Variants in MAN1C1 observed in about 807,000 individuals in gnomAD.
MAN1C1 encodes the protein mannosyl-oligosaccharide 1,2-alpha-mannosidase IC.
A neutral mutation model predicts 71.5 loss-of-function variants in MAN1C1; 49 were observed. The ratio of observed to expected loss-of-function variants is 0.69; its 90% CI spans 0.54 to 0.87. The LOEUF (loss-of-function observed/expected upper bound fraction) is 0.87, where lower values mean the gene tolerates loss of function less well. MAN1C1 is among the 40% of genes least tolerant of loss of function. MAN1C1 has a pLI of 0.00. For synonymous variants in MAN1C1, 352 were observed against 343.7 expected (o/e 1.02, Z -0.27); for missense variants, 743 against 835.0 (o/e 0.89, Z 1.36).
intron 2 of MAN1C1, among the ~76,000 whole-genome samples, chr1:25,687,977 C>A (rs967961279): frequency 6.6e-6 from 1 of 151,730 alleles, no homozygotes; most frequent in Non-Finnish European, 1.5e-5. Flanking sequence ...CATGTTATAT[C>A]GTGTTTCCCG....
chr1:25,757,504 G>A (rs865794950), intron 5 of MAN1C1, among the ~76,000 whole-genome samples: 2 of 6,350 alleles, frequency 3.1e-4, no homozygotes, highest in Admixed American at 2.2e-3. Flanking sequence ...GAGGCACGGG[G>A]GGGGGGGGCA....
At chr1:25,692,180 A>C (rs1407177169) in intron 2 of MAN1C1, among the ~76,000 whole-genome samples, 1 of 152,130 alleles carries the variant, frequency 6.6e-6, no homozygotes, top group Non-Finnish European at 1.5e-5. Context: ...TGCGCCGCAC[A>C]CTCTGAGATC....
rs1041484395 is a variant in MAN1C1 at position 25,769,154 on chromosome 1, C to T, written c.1142-2503C>T. 6.6e-6 allele frequency among the ~76,000 whole-genome samples: 1 copy of T among 150,414 alleles called. No individual in the cohort carries two copies. The highest frequency in any genetic ancestry group is 1.5e-5 in the Non-Finnish European group (1 of 67,444). ...TCACACACTACACACTCCCCTCACA[C>T]ATTCCACACACACACCCCACACATT... is the stretch of plus-strand genomic sequence containing the variant. On this transcript the variant is annotated intron_variant, in intron 7 of 11. Coordinates refer to ENST00000374332, the MANE Select transcript of MAN1C1 (RefSeq NM_020379.4). The surrounding 1 kb of genome is among the most constrained non-coding windows in gnomAD (Gnocchi z 4.8).
chr1:25,678,546 G>A (rs141333555), intron 1 of MAN1C1, among the ~76,000 whole-genome samples: 2,194 of 152,254 alleles, frequency 0.014, 25 homozygotes, highest in Non-Finnish European at 0.026. Flanking sequence ...TTAAAAGGGC[G>A]TTACATATTA....
intron 1 of MAN1C1, among the ~76,000 whole-genome samples, chr1:25,673,852 C>T (rs1012448236): frequency 6.6e-5 from 10 of 152,222 alleles, no homozygotes; most frequent in African/African-American, 2.2e-4. Flanking sequence ...GCCTAACTCA[C>T]AGGTGACGGT....
chr1:25,720,438 G>A (rs1262854226), intron 2 of MAN1C1, among the ~76,000 whole-genome samples: 2 of 151,790 alleles, frequency 1.3e-5, no homozygotes, highest in Non-Finnish European at 2.9e-5. Context: ...CTTGAACTTC[G>A]GACCTCTGGT....
rs529702424 is a variant in MAN1C1, at chr1:25,764,460, C to T, written c.1141+493C>T. Among the ~76,000 whole-genome samples, 21 of 151,998 alleles carry T rather than the reference C, an allele frequency of 1.4e-4. No homozygotes were observed. The highest frequency in any genetic ancestry group is 4.2e-4 in the South Asian group (2 of 4,818). On this transcript the variant is annotated intron_variant, in intron 7 of 11. Coordinates refer to ENST00000374332, the MANE Select transcript of MAN1C1 (RefSeq NM_020379.4). This position sits in a 1 kb window ranked among gnomAD's most constrained non-coding sequence, Gnocchi z 4.4. ...CAGAGTCTCACTCTGTCACCCAGGC[C>T]GGAGTGCAGTGGCACGATCTCGGCT...
rs76291035 is a variant in MAN1C1, at chr1:25,719,395, TTTTATTTATTTA to T, written c.638-27234_638-27223del. Among the ~76,000 whole-genome samples, 1,369 of 139,970 alleles carry T rather than the reference TTTTATTTATTTA, an allele frequency of 9.8e-3. 13 individuals are homozygous for T. Among genetic ancestry groups the T allele is most frequent in the East Asian group, 0.033 (155 of 4,746 alleles). 91.8% of individuals were successfully genotyped at this position (139,970 alleles called of 152,430 possible). On this transcript the variant is annotated intron_variant, in intron 2 of 11. Transcript: ENST00000374332. ...GCCCCAATACTTATTATTTTTTATC[TTTTATTTATTTA>T]TTTATTTATTTATTTATTTATTTAT...
intron 6 of MAN1C1, among the ~76,000 whole-genome samples, chr1:25,763,230 C>T (rs1045658311): frequency 4.6e-5 from 7 of 151,846 alleles, no homozygotes; most frequent in African/African-American, 1.2e-4. Context: ...ATTGCGCTAC[C>T]GCACTCCAGC....
chr1:25,652,998 T>C (rs2045715310), intron 1 of MAN1C1, among the ~76,000 whole-genome samples: 3 of 152,230 alleles, frequency 2.0e-5, no homozygotes, highest in South Asian at 4.1e-4. Context: ...CCTCTGGAGT[T>C]CAAGAGATCT....
chr1:25,694,096 A>G (rs1164602754), intron 2 of MAN1C1, among the ~76,000 whole-genome samples: 2 of 152,226 alleles, frequency 1.3e-5, no homozygotes, highest in South Asian at 2.1e-4. Context: ...TGCCTAGTGC[A>G]GTCTCTGAGT....
intron 5 of MAN1C1, among the ~76,000 whole-genome samples, chr1:25,756,790 G>C (rs1267179998): frequency 6.6e-6 from 1 of 152,140 alleles, no homozygotes; most frequent in Non-Finnish European, 1.5e-5. Context: ...CCTTTGCATA[G>C]GGGTATGAAT....
At chr1:25,651,348 G>T (rs976928120) in intron 1 of MAN1C1, among the ~76,000 whole-genome samples, 1 of 152,152 alleles carries the variant, frequency 6.6e-6, no homozygotes, top group Non-Finnish European at 1.5e-5. Context: ...GGCCTTGCAC[G>T]GCTCTTCAGC....
At chr1:25,685,133 T>A (rs1020225016) in intron 1 of MAN1C1, among the ~76,000 whole-genome samples, 2 of 152,206 alleles carry the variant, frequency 1.3e-5, no homozygotes, top group African/African-American at 4.8e-5. Context: ...TCACTTGCTG[T>A]GTCTGGTCGG....
Position 25,782,458 on chromosome 1 carries a change from C to T in MAN1C1, c.1651-127C>T. ...TCTGTTCCCACAAATGCCAGGAGTC[C>T]CCAGCCAAGGGGTGGGGGTGCTGTC... On this transcript the variant is annotated intron_variant, in intron 10 of 11. Transcript: ENST00000374332. This position sits in a 1 kb window ranked among gnomAD's most constrained non-coding sequence, Gnocchi z 4.4. The T allele has an allele frequency of 1.6e-6, 1 of 630,666 alleles. No homozygotes were observed. The highest frequency in any genetic ancestry group is 2.9e-6 in the Non-Finnish European group (1 of 350,754). 39.1% of individuals were successfully genotyped at this position (630,666 alleles called of 1,614,324 possible).
Position 25,782,563 on chromosome 1 carries a change from T to C in MAN1C1, c.1651-22T>C. 6.4e-7 allele frequency: 1 copy of C among 1,563,134 alleles called. No individual in the cohort carries two copies. Among genetic ancestry groups the C allele is most frequent in the South Asian group, 1.1e-5 (1 of 89,976 alleles). On this transcript the variant is annotated intron_variant, in intron 10 of 11. Coordinates refer to ENST00000374332, the MANE Select transcript of MAN1C1 (RefSeq NM_020379.4). The surrounding 1 kb of genome is among the most constrained non-coding windows in gnomAD (Gnocchi z 4.4). ...CTGTCCCGTGTTAAGGCTGTTTTCCTCCTCCTCTTCCCCTTCCTCAGGCCT... is the reference window on the plus strand; with the variant it reads ...CTGTCCCGTGTTAAGGCTGTTTTCCCCCTCCTCTTCCCCTTCCTCAGGCCT...
At position 25,753,109 on chromosome 1, in the gene MAN1C1, AC is replaced by A. The variant is rs957773898; in HGVS notation, c.835-369del. Among the ~76,000 whole-genome samples the A allele has an allele frequency of 2.8e-5, 4 of 143,576 alleles. No homozygotes were observed. Among genetic ancestry groups the A allele is most frequent in the African/African-American group, 1.0e-4 (4 of 38,288 alleles). The allele number at this position is 143,576 out of a possible 152,430, so 94.2% of individuals were successfully genotyped here. The stretch of plus-strand genomic sequence containing the variant: ...TCATCTGGACTTGGAGGTGCCCCCC[AC>A]CCCCCGCACCTCACTGCTTTCTCCC... On this transcript the variant is annotated intron_variant, in intron 4 of 11. Transcript: ENST00000374332. This position sits in a 1 kb window ranked among gnomAD's most constrained non-coding sequence, Gnocchi z 4.9.
At chr1:25,675,327 A>T (rs1426064633) in intron 1 of MAN1C1, among the ~76,000 whole-genome samples, 1 of 152,170 alleles carries the variant, frequency 6.6e-6, no homozygotes, top group Non-Finnish European at 1.5e-5. Flanking sequence ...ATAAGTGAGA[A>T]TATACAATAT....
At chr1:25,681,210 G>A (rs1295618216) in intron 1 of MAN1C1, among the ~76,000 whole-genome samples, 1 of 143,708 alleles carries the variant, frequency 7.0e-6, no homozygotes, top group Non-Finnish European at 1.5e-5. Flanking sequence ...TGGGCAACAA[G>A]AGCAATACTC....
Sources: allele counts gnomAD v4.1 joint callset (sites outside exome capture counted in the v4.1 genomes callset), GRCh38; gene constraint gnomAD v4.1.1; non-coding constraint Gnocchi (gnomAD v3.1); transcripts MANE v1.5; gene names NCBI Gene and HGNC (gene_info 2026-07-23, HGNC 2026-07-21).